The following OTUD7A variants were observed in gnomAD, a reference collection of about 807,000 sequenced individuals.
The protein encoded by OTUD7A is OTU deubiquitinase 7A.
OTUD7A carries 12 observed loss-of-function variants against 65.7 expected under a neutral mutation model. That is an observed-to-expected ratio of 0.18 (90% CI 0.12 to 0.30). OTUD7A has a LOEUF of 0.30. Ranked by LOEUF, OTUD7A falls within the 10% of genes least tolerant of loss-of-function variation. OTUD7A has a pLI of 1.00. For synonymous variants in OTUD7A, 641 were observed against 586.3 expected, an observed-to-expected ratio of 1.09 and a Z score of -1.35; for missense variants, 1,148 against 1,304.8, an observed-to-expected ratio of 0.88 and a Z score of 1.85.
intron 3 of OTUD7A, among the ~76,000 whole-genome samples, chr15:31,578,861 T>C (rs1889286629): frequency 6.6e-6 from 1 of 152,146 alleles, no homozygotes; most frequent in Admixed American, 6.5e-5. Context: ...CCAGTGTACA[T>C]CTTAAATGTA....
At chr15:31,535,685 T>G (rs1305070379) in intron 5 of OTUD7A, among the ~76,000 whole-genome samples, 171 of 147,772 alleles carry the variant, frequency 1.2e-3, no homozygotes, top group African/African-American at 3.8e-3. Flanking sequence ...TTTTTTTTTT[T>G]TTTTTTTTTG....
At chr15:31,822,203 T>C (rs978394327) in intron 1 of OTUD7A, among the ~76,000 whole-genome samples, 7 of 152,206 alleles carry the variant, frequency 4.6e-5, no homozygotes, top group African/African-American at 1.4e-4. Context: ...CTGGTGGTCA[T>C]CTGCTCCCAT....
At chr15:31,810,709 C>G (rs1214123697) in intron 1 of OTUD7A, among the ~76,000 whole-genome samples, 1 of 152,192 alleles carries the variant, frequency 6.6e-6, no homozygotes, top group Non-Finnish European at 1.5e-5. Context: ...TCAACTAATG[C>G]CAGTGGCCTC....
At chr15:31,839,605 C>G (rs1485328432) in intron 1 of OTUD7A, among the ~76,000 whole-genome samples, 1 of 152,200 alleles carries the variant, frequency 6.6e-6, no homozygotes, top group African/African-American at 2.4e-5. Context: ...GTGTGAGAGC[C>G]CTGCTCTCCT....
intron 1 of OTUD7A, among the ~76,000 whole-genome samples, chr15:31,749,973 C>CA (rs954191011): frequency 2.0e-5 from 3 of 151,772 alleles, no homozygotes; most frequent in East Asian, 1.9e-4. Flanking sequence ...AATGGCCACA[C>CA]AAAAAAATAC....
chr15:31,851,541 T>G (rs1023104870), intron 1 of OTUD7A, among the ~76,000 whole-genome samples: 1 of 152,238 alleles, frequency 6.6e-6, no homozygotes, highest in Non-Finnish European at 1.5e-5. Context: ...TATCACACAT[T>G]CTGGTTGTAC....
chr15:31,729,151 G>C (rs1893973037), intron 1 of OTUD7A, among the ~76,000 whole-genome samples: 1 of 152,150 alleles, frequency 6.6e-6, no homozygotes, highest in African/African-American at 2.4e-5. Context: ...TCATAGGTAG[G>C]TATGCAGAAA....
At chr15:31,597,111 A>T (rs1402251174) in intron 3 of OTUD7A, among the ~76,000 whole-genome samples, 1 of 149,584 alleles carries the variant, frequency 6.7e-6, no homozygotes, top group Non-Finnish European at 1.5e-5. Context: ...TTTTTTTTGT[A>T]GAGACAGAGT....
intron 1 of OTUD7A, among the ~76,000 whole-genome samples, chr15:31,792,172 C>T (rs1200246929): frequency 6.6e-6 from 1 of 152,166 alleles, no homozygotes; most frequent in Non-Finnish European, 1.5e-5. Flanking sequence ...ATCTCAAATC[C>T]CTCCACCTCT....
chr15:31,748,686 T>C (rs1396699073), intron 1 of OTUD7A, among the ~76,000 whole-genome samples: 1 of 152,128 alleles, frequency 6.6e-6, no homozygotes, highest in East Asian at 1.9e-4. Flanking sequence ...AAGCTAAACG[T>C]ACAAATACCC....
intron 10 of OTUD7A, among the ~76,000 whole-genome samples, chr15:31,495,362 C>T (rs879820390): frequency 6.6e-6 from 1 of 152,236 alleles, no homozygotes; most frequent in Non-Finnish European, 1.5e-5. Flanking sequence ...ACTCTATAAG[C>T]TGAAGACAGA....
In OTUD7A at chr15:31,559,143, C is replaced by T. The variant is rs746758362; in HGVS notation, c.376G>A (p.Val126Ile). 28 of 1,614,086 alleles carry T rather than the reference C, an allele frequency of 1.7e-5. No individual in the cohort carries two copies. The highest frequency in any genetic ancestry group is 5.5e-5 in the South Asian group (5 of 91,068). The change falls in exon 5 of 13, where the codon GTC (valine) becomes ATC (isoleucine). Residue 126 changes from valine (V) to isoleucine (I), a missense_variant. Physicochemically the swap from Val to Ile is conservative, Grantham distance 29 (BLOSUM62 3). Transcript: ENST00000307050. ...RGISHASSAI[V>I]SLARSHVASE... ...GCCACGTGGGACCGGGCCAGGGAGA[C>T]GATGGCTGAGCTGGCGTGGGAAATC...
intron 3 of OTUD7A, among the ~76,000 whole-genome samples, chr15:31,595,772 C>T (rs755434443): frequency 6.6e-6 from 1 of 152,226 alleles, no homozygotes; most frequent in Non-Finnish European, 1.5e-5. Flanking sequence ...CTTCCAGCCT[C>T]CTTCAGGTGT....
Position 31,798,315 on chromosome 15 carries a change from C to T in OTUD7A, c.-100+72192G>A, listed in dbSNP as rs549219932. 4.6e-5 allele frequency among the ~76,000 whole-genome samples: 7 copies of T among 152,204 alleles called. No homozygotes were observed. The South Asian group carries it at 1.5e-3, about 32-fold the overall frequency. On this transcript the variant is annotated intron_variant, in intron 1 of 12. Transcript: ENST00000307050. ...AAGTTACTGAGATAAATGCTGTGCCCGTGAGCTGCCTGCTGTCCTGCATAC... is the reference window on the plus strand; with the variant it reads ...AAGTTACTGAGATAAATGCTGTGCCTGTGAGCTGCCTGCTGTCCTGCATAC...
chr15:31,632,965 C>T (rs1381959556), intron 3 of OTUD7A, among the ~76,000 whole-genome samples: 9 of 152,200 alleles, frequency 5.9e-5, no homozygotes, highest in South Asian at 2.1e-4. Context: ...TTTTTAAGCC[C>T]GTTGGAAAAG....
intron 8 of OTUD7A, among the ~76,000 whole-genome samples, chr15:31,506,215 CTT>C (rs199623314): frequency 2.1e-5 from 3 of 144,380 alleles, no homozygotes; most frequent in Admixed American, 6.9e-5. Context: ...TTAATTATGA[CTT>C]TTTTTTTTTG....
chr15:31,801,825 G>C (rs1017495466), intron 1 of OTUD7A, among the ~76,000 whole-genome samples: 31 of 152,058 alleles, frequency 2.0e-4, no homozygotes, highest in African/African-American at 7.2e-4. Flanking sequence ...ATACTGTCAT[G>C]ATAAATAAAT....
chr15:31,761,656 A>G (rs762746009), intron 1 of OTUD7A, among the ~76,000 whole-genome samples: 30 of 152,234 alleles, frequency 2.0e-4, no homozygotes, highest in South Asian at 2.1e-4. Context: ...TATGACCCAG[A>G]CATTCTACTC....
chr15:31,718,433 T>C (rs900778388), intron 1 of OTUD7A, among the ~76,000 whole-genome samples: 22 of 152,086 alleles, frequency 1.4e-4, no homozygotes, highest in African/African-American at 5.1e-4. Flanking sequence ...TATTTCTCTA[T>C]TCATCCATTT....
Sources: gnomAD v4.1 joint callset for allele counts (sites outside exome capture counted in the v4.1 genomes callset) on GRCh38, gnomAD v4.1.1 for gene constraint, MANE v1.5 for transcripts, NCBI Gene and HGNC (gene_info 2026-07-23, HGNC 2026-07-21) for gene names.